The following GALNT14 variants were observed in gnomAD, a reference collection of about 807,000 sequenced individuals.
GALNT14 encodes the protein UDP-GalNAc:polypeptide N-acetylgalactosaminyltransferase 14.
In GALNT14, 60 loss-of-function variants were observed where a neutral mutation model predicts 77.5. The ratio of observed to expected loss-of-function variants is 0.77; its 90% CI spans 0.63 to 0.96. The LOEUF is 0.96. GALNT14 is among the 40% of genes least tolerant of loss of function. The pLI, the probability that GALNT14 is intolerant of heterozygous loss-of-function variation, is 0.00. For synonymous variants in GALNT14, 280 were observed against 281.7 expected (o/e 0.99, Z 0.06); for missense variants, 710 against 731.0 (o/e 0.97, Z 0.33).
At chr2:30,960,310 C>T (rs979843965) in intron 3 of GALNT14, among the ~76,000 whole-genome samples, 5 of 152,268 alleles carry the variant, frequency 3.3e-5, no homozygotes, top group Non-Finnish European at 7.4e-5. Context: ...AGAATAACCC[C>T]TAATGAGGTT....
intron 1 of GALNT14, among the ~76,000 whole-genome samples, chr2:31,132,380 T>G (rs540134147): frequency 5.9e-5 from 9 of 152,132 alleles, no homozygotes; most frequent in Non-Finnish European, 1.3e-4. Context: ...AACCTGCCAT[T>G]TGCATATTTC....
intron 1 of GALNT14, among the ~76,000 whole-genome samples, chr2:31,095,273 C>G (rs1312000224): frequency 6.6e-6 from 1 of 152,204 alleles, no homozygotes. Context: ...CCCTCATAGT[C>G]TACAAATTTC....
intron 9 of GALNT14, among the ~76,000 whole-genome samples, chr2:30,932,461 G>A (rs891685630): frequency 3.3e-5 from 5 of 152,364 alleles, no homozygotes; most frequent in South Asian, 2.1e-4. Flanking sequence ...CCAGCATGGC[G>A]GGGCAGGGGC....
intron 11 of GALNT14, among the ~76,000 whole-genome samples, chr2:30,925,684 G>A (rs965489135): frequency 1.3e-5 from 2 of 152,212 alleles, no homozygotes; most frequent in Non-Finnish European, 2.9e-5. Flanking sequence ...GAGCAGAAAT[G>A]GGTGAGTTGA....
chr2:31,097,122 G>C (rs1677042240), intron 1 of GALNT14, among the ~76,000 whole-genome samples: 1 of 152,058 alleles, frequency 6.6e-6, no homozygotes, highest in Non-Finnish European at 1.5e-5. Context: ...GCTTATGTGA[G>C]ATAGGATAAC....
intron 1 of GALNT14, among the ~76,000 whole-genome samples, chr2:31,071,243 T>C (rs79600617): frequency 0.065 from 9,852 of 152,086 alleles, 326 homozygotes; most frequent in African/African-American, 0.09. Flanking sequence ...CCCCAAAACC[T>C]GTGGAAATAA....
chr2:30,950,911 G>C, intron 6 of GALNT14, among the ~76,000 whole-genome samples: 1 of 152,170 alleles, frequency 6.6e-6, no homozygotes, highest in East Asian at 1.9e-4. Flanking sequence ...AGATGAACTT[G>C]GGACCACTGG....
At chr2:31,137,901 G>A (rs1386321006) in intron 1 of GALNT14, 57 bp downstream of exon 1, 2 of 1,554,916 alleles carry the variant, frequency 1.3e-6, no homozygotes, top group African/African-American at 2.7e-5. Context: ...CGGCACGCGG[G>A]CTGCGCGCCC....
chr2:30,949,414 T>A (rs1006188780), intron 6 of GALNT14, among the ~76,000 whole-genome samples: 2 of 152,196 alleles, frequency 1.3e-5, no homozygotes, highest in African/African-American at 4.8e-5. Context: ...CACTGAGTTC[T>A]CTGTGTGCAT....
At chr2:30,959,574 T>G (rs1667565023) in intron 3 of GALNT14, among the ~76,000 whole-genome samples, 1 of 152,226 alleles carries the variant, frequency 6.6e-6, no homozygotes, top group Admixed American at 6.5e-5. Flanking sequence ...ACAGGGATAA[T>G]AGGAGTACTT....
At chr2:31,033,785 T>C (rs567983079) in intron 1 of GALNT14, among the ~76,000 whole-genome samples, 21 of 152,298 alleles carry the variant, frequency 1.4e-4, no homozygotes, top group Admixed American at 5.2e-4. Flanking sequence ...GTGTTAGTTC[T>C]GACACTAATT....
At chr2:30,929,717 G>C (rs1305171956) in intron 10 of GALNT14, among the ~76,000 whole-genome samples, 4 of 152,236 alleles carry the variant, frequency 2.6e-5, no homozygotes, top group Non-Finnish European at 5.9e-5. Context: ...TACAGGTTGA[G>C]TATCCTTTAC....
chr2:30,921,065 C>T (rs1665003275), intron 13 of GALNT14, among the ~76,000 whole-genome samples: 1 of 152,186 alleles, frequency 6.6e-6, no homozygotes, highest in African/African-American at 2.4e-5. Context: ...ACTGCTGTCC[C>T]TCCCCTTTTT....
chr2:30,942,061 T>A (rs1666406570), intron 9 of GALNT14, 140 bp downstream of exon 9: 1 of 576,214 alleles, frequency 1.7e-6, no homozygotes, highest in Non-Finnish European at 3.1e-6. Context: ...AAAGAGTAAC[T>A]CACCATCTCC....
At chr2:31,105,634 A>G (rs1483175457) in intron 1 of GALNT14, among the ~76,000 whole-genome samples, 1 of 152,012 alleles carries the variant, frequency 6.6e-6, no homozygotes, top group Non-Finnish European at 1.5e-5. Flanking sequence ...GCTGAGGCAA[A>G]AGAATCGCTT....
chr2:30,979,459 A>G lies in GALNT14; in HGVS notation c.300-13157T>C, dbSNP rs1369330755. Among the ~76,000 whole-genome samples the G allele has an allele frequency of 3.3e-5, 5 of 152,220 alleles. No individual in the cohort carries two copies. In the South Asian group the frequency reaches 6.2e-4, roughly 19 times the overall value. On this transcript the variant is annotated intron_variant, in intron 2 of 14. Transcript: ENST00000349752. Reference sequence around the variant, plus strand: ...AGTACATGATGCCACCTTATGAGGAATCAAGGAGGAGAGACAGGGAGGAGC... The same window carrying G: ...AGTACATGATGCCACCTTATGAGGAGTCAAGGAGGAGAGACAGGGAGGAGC...
intron 1 of GALNT14, among the ~76,000 whole-genome samples, chr2:31,035,914 G>C (rs1672713224): frequency 6.6e-6 from 1 of 151,974 alleles, no homozygotes; most frequent in South Asian, 2.1e-4. Context: ...TGGGTACTAG[G>C]CTTAATACCT....
chr2:31,057,348 ATGTGTGTGTGTG>A, intron 1 of GALNT14, among the ~76,000 whole-genome samples: 1 of 111,928 alleles, frequency 8.9e-6, no homozygotes, highest in Admixed American at 9.1e-5. Flanking sequence ...ACGTATATAT[ATGTGTGTGTGTG>A]TGTGTGTGTG....
chr2:31,038,084 A>ATATATATATAT (rs1558514604), intron 1 of GALNT14, among the ~76,000 whole-genome samples: 3 of 52,646 alleles, frequency 5.7e-5, no homozygotes, highest in African/African-American at 2.8e-4. Flanking sequence ...ATATATATAT[A>ATATATATATAT]TTTTTTTTTT....
Sources: allele counts gnomAD v4.1 joint callset (sites outside exome capture counted in the v4.1 genomes callset), GRCh38; gene constraint gnomAD v4.1.1; transcripts MANE v1.5; gene names NCBI Gene and HGNC (gene_info 2026-07-23, HGNC 2026-07-21).